FLCN: variants seen among roughly 807,000 people sequenced by gnomAD.
The protein encoded by FLCN is folliculin.
A neutral mutation model predicts 62.5 loss-of-function variants in FLCN; 22 were observed. The ratio of observed to expected loss-of-function variants is 0.35; its 90% CI spans 0.25 to 0.50. FLCN has a LOEUF of 0.50. Among genes scored for constraint, FLCN ranks in the 20% least tolerant of loss-of-function variants. The pLI is 0.97. For missense variants in FLCN, 657 were observed against 778.0 expected (o/e 0.84, Z 1.85); for synonymous variants, 319 against 310.0 (o/e 1.03, Z -0.30).
chr17:17,234,700 G>C (rs113630550), intron 1 of FLCN, among the ~76,000 whole-genome samples: 1 of 151,384 alleles, frequency 6.6e-6, no homozygotes, highest in Non-Finnish European at 1.5e-5. Context: ...AAAAATTGCC[G>C]GGTGTGGTGG....
rs746556970 is a variant in FLCN at position 17,227,908 on chromosome 17, T to G, written c.230A>C (p.Lys77Thr). The change falls in exon 4 of 14, where the codon AAA (lysine) becomes ACA (threonine). Residue 77 changes from lysine to threonine, a missense_variant. By Grantham distance (78) the Lys-to-Thr change is moderately conservative (BLOSUM62 -1). Transcript: ENST00000285071. Reference protein sequence around the residue: ...ASVESSSPGPKKSDMCEGCRS... With the variant: ...ASVESSSPGPTKSDMCEGCRS... ...ACTTGCCTCGCACATGTCCGACTTT[T>G]TGGGCCCCGGGCTGCTGGACTCGAC... The G allele has an allele frequency of 1.9e-6, 3 of 1,614,014 alleles. No individual in the cohort carries two copies. Among genetic ancestry groups the G allele is most frequent in the Non-Finnish European group, 2.5e-6 (3 of 1,180,034 alleles).
At chr17:17,222,684 G>A (rs1193306169) in intron 6 of FLCN, 23 bp from the exon 7 acceptor site, 17 of 1,613,982 alleles carry the variant, frequency 1.1e-5, no homozygotes, top group Non-Finnish European at 1.3e-5. Context: ...GGGAAGGGAT[G>A]GCCTCTTTAA....
intron 5 of FLCN, chr17:17,225,019 C>A (rs2144995489): frequency 6.6e-6 from 1 of 152,388 alleles, no homozygotes; most frequent in South Asian, 2.1e-4. Context: ...AGTAAGGGAG[C>A]TTGGTGTGTC....
At chr17:17,226,471 A>AT in intron 4 of FLCN, 149 bp from the exon 5 acceptor site, 1 of 993,872 alleles carries the variant, frequency 1.0e-6, no homozygotes, top group Non-Finnish European at 1.5e-6. Context: ...GAAGATTTAA[A>AT]TGTTTCCTAA....
chr17:17,214,392 A>AAG (rs1263805914), intron 13 of FLCN, among the ~76,000 whole-genome samples: 1 of 152,032 alleles, frequency 6.6e-6, no homozygotes, highest in Admixed American at 6.6e-5. Flanking sequence ...TCAGGAGTTC[A>AAG]AGACCAGCCT....
intron 8 of FLCN, 52 bp downstream of exon 8, chr17:17,221,485 C>T (rs1009455892): frequency 2.5e-6 from 4 of 1,613,892 alleles, no homozygotes; most frequent in Admixed American, 1.7e-5. Flanking sequence ...ACAGCTGGTA[C>T]CGCCCCACGG....
intron 1 of FLCN, among the ~76,000 whole-genome samples, chr17:17,236,709 C>T (rs1204795524): frequency 6.6e-6 from 1 of 152,152 alleles, no homozygotes; most frequent in Non-Finnish European, 1.5e-5. Flanking sequence ...GCAAACAGTC[C>T]CGTTTCATGG....
intron 8 of FLCN, chr17:17,220,839 C>A: frequency 4.9e-6 from 1 of 202,706 alleles, no homozygotes; most frequent in Admixed American, 5.3e-5. Flanking sequence ...ATTGGCAAAG[C>A]TTATTTGAGG....
chr17:17,222,681 G>A lies in FLCN; in HGVS notation c.619-20C>T, dbSNP rs202217257. 7.4e-4 allele frequency: 1,199 copies of A among 1,613,978 alleles called. No individual in the cohort carries two copies. Among genetic ancestry groups the A allele is most frequent in the Non-Finnish European group, 9.9e-4 (1,164 of 1,180,016 alleles). On this transcript the variant is annotated intron_variant, in intron 6 of 13. Coordinates refer to ENST00000285071, the MANE Select transcript of FLCN (RefSeq NM_144997.7). Reference sequence around the variant, plus strand: ...AAACACCTGAAATGCAAAGGGAAGGGATGGCCTCTTTAAGCCAAAGCTGCC... The same window carrying A: ...AAACACCTGAAATGCAAAGGGAAGGAATGGCCTCTTTAAGCCAAAGCTGCC...
chr17:17,221,048 TG>T, intron 8 of FLCN: 1 of 768,868 alleles, frequency 1.3e-6, no homozygotes, highest in Non-Finnish European at 1.9e-6. Flanking sequence ...GCTTCCAGGC[TG>T]GTGCACACAG....
Position 17,216,855 on chromosome 17 carries a change from G to T in FLCN, c.1176+214C>A. On this transcript the variant is annotated intron_variant, in intron 10 of 13. Transcript: ENST00000285071. This position sits in a 1 kb window ranked among gnomAD's most constrained non-coding sequence, Gnocchi z 4.0. The stretch of plus-strand genomic sequence containing the variant: ...CATATGCATTTTTGTTCCCTCTCAG[G>T]CCTGGGCAGTCAGCAGGCACACGCA... 1 of 634,688 alleles carries T rather than the reference G, an allele frequency of 1.6e-6. No homozygotes were observed. The highest frequency in any genetic ancestry group is 2.8e-6 in the Non-Finnish European group (1 of 352,206). The allele number at this position is 634,688 out of a possible 1,614,324, so 39.3% of individuals were successfully genotyped here.
intron 1 of FLCN, among the ~76,000 whole-genome samples, chr17:17,234,333 T>G (rs2047519016): frequency 6.6e-6 from 1 of 151,552 alleles, no homozygotes; most frequent in African/African-American, 2.4e-5. Flanking sequence ...TGCCTCAGCT[T>G]CCCGAGTAGC....
In FLCN at chr17:17,213,509, G is replaced by C; in HGVS notation, c.*146C>G. The C allele has an allele frequency of 9.0e-7, 1 of 1,114,970 alleles. No individual in the cohort carries two copies. The highest frequency in any genetic ancestry group is 2.5e-5 in the East Asian group (1 of 39,384). 69.1% of individuals were successfully genotyped at this position (1,114,970 alleles called of 1,614,324 possible). On this transcript the variant is annotated 3_prime_UTR_variant, in exon 14 of 14. Transcript: ENST00000285071. Reference sequence around the variant, plus strand: ...AGCACACAGGCCCCAAACCTGACAGGGCCGAGCCCAGCCCTGATGGTTTCC... The same window carrying C: ...AGCACACAGGCCCCAAACCTGACAGCGCCGAGCCCAGCCCTGATGGTTTCC...
At position 17,228,053 on chromosome 17, in the gene FLCN, G is replaced by C; in HGVS notation, c.85C>G (p.Leu29Val). Residue 29 changes from leucine to valine, a missense_variant, in exon 4 of 14, where the codon CTT becomes GTT. Leu to Val is a conservative substitution (Grantham distance 32). Coordinates refer to ENST00000285071, the MANE Select transcript of FLCN (RefSeq NM_144997.7). Reference protein sequence around the residue: ...LFCTEVLHAPLPQGDGNEDSP... With the variant: ...LFCTEVLHAPVPQGDGNEDSP... ...TCCTCATTCCCATCCCCTTGAGGAAGTGGGGCGTGCAGCACCTCCGTGCAG... is the reference window on the plus strand; with the variant it reads ...TCCTCATTCCCATCCCCTTGAGGAACTGGGGCGTGCAGCACCTCCGTGCAG... The C allele has an allele frequency of 6.2e-7, 1 of 1,613,828 alleles. No individual in the cohort carries two copies. Among genetic ancestry groups the C allele is most frequent in the Non-Finnish European group, 8.5e-7 (1 of 1,180,048 alleles).
intron 13 of FLCN, 110 bp from the exon 14 acceptor site, chr17:17,213,966 G>T: frequency 1.7e-6 from 2 of 1,187,576 alleles, no homozygotes; most frequent in Non-Finnish European, 2.5e-6. Flanking sequence ...GAGCTGTGCA[G>T]GCAGAGCTGG....
intron 4 of FLCN, among the ~76,000 whole-genome samples, chr17:17,226,786 G>A (rs575640647): frequency 2.6e-5 from 4 of 152,320 alleles, no homozygotes; most frequent in Admixed American, 1.3e-4. Flanking sequence ...AGCCACAGGC[G>A]AGAGGCCCAA....
chr17:17,235,577 G>C (rs1379591515), intron 1 of FLCN: 1 of 152,280 alleles, frequency 6.6e-6, no homozygotes, highest in East Asian at 1.9e-4. Context: ...GCCCTACAGA[G>C]CACTTAGCTT....
chr17:17,221,529 T>G lies in FLCN; in HGVS notation c.871+8A>C. 1 of 1,613,542 alleles carries G rather than the reference T, an allele frequency of 6.2e-7. No individual in the cohort carries two copies. Among genetic ancestry groups the G allele is most frequent in the East Asian group, 2.2e-5 (1 of 44,870 alleles). ...GCCAAGGCCCCGGCAACAGCACCCC[T>G]GCCTCACCAGCGAGCTTCTCCATCT... On this transcript the variant is annotated splice_region_variant and intron_variant, in intron 8 of 13. Transcript: ENST00000285071.
chr17:17,225,609 T>C lies in FLCN; in HGVS notation c.396+567A>G, dbSNP rs980793084. 1.2e-5 allele frequency: 2 copies of C among 167,994 alleles called. 1 individual carries two copies. Among genetic ancestry groups the C allele is most frequent in the Non-Finnish European group, 2.6e-5 (2 of 77,198 alleles). The allele number at this position is 167,994 out of a possible 1,614,324, so 10.4% of individuals were successfully genotyped here. Reference sequence around the variant, plus strand: ...CGCCTGTTGTCCCAGCTACTCAGGATAGCTGAGACAGAAGAATCACTTAAA... The same window carrying C: ...CGCCTGTTGTCCCAGCTACTCAGGACAGCTGAGACAGAAGAATCACTTAAA... On this transcript the variant is annotated intron_variant, in intron 5 of 13. Coordinates refer to ENST00000285071, the MANE Select transcript of FLCN (RefSeq NM_144997.7).
Sources: gnomAD v4.1 joint callset for allele counts (sites outside exome capture counted in the v4.1 genomes callset) on GRCh38, gnomAD v4.1.1 for gene constraint, Gnocchi (gnomAD v3.1) non-coding constraint, MANE v1.5 for transcripts, NCBI Gene and HGNC (gene_info 2026-07-23, HGNC 2026-07-21) for gene names.